Variants in CNTNAP2 observed in about 807,000 individuals in gnomAD.
The protein encoded by CNTNAP2 is contactin associated protein 2.
In CNTNAP2, 98 loss-of-function variants were observed where a neutral mutation model predicts 155.2. The observed-to-expected ratio is 0.63, with a 90% confidence interval of 0.54 to 0.75. The LOEUF is 0.75. Ranked by LOEUF, CNTNAP2 falls within the 30% of genes least tolerant of loss-of-function variation. The pLI is 0.00. For synonymous variants in CNTNAP2, 651 were observed against 631.2 expected (o/e 1.03, Z -0.47); for missense variants, 1,727 against 1,688.1 (o/e 1.02, Z -0.40).
intron 10 of CNTNAP2, among the ~76,000 whole-genome samples, chr7:147,422,691 C>T (rs937164169): frequency 6.6e-6 from 1 of 152,110 alleles, no homozygotes; most frequent in African/African-American, 2.4e-5. Flanking sequence ...CTTAATCGTA[C>T]TTTAGTATGG....
intron 15 of CNTNAP2, among the ~76,000 whole-genome samples, chr7:148,106,643 G>A (rs935931386): frequency 6.6e-6 from 1 of 151,818 alleles, no homozygotes; most frequent in African/African-American, 2.4e-5. Context: ...TTATAGACCT[G>A]AGCCACTATG....
intron 4 of CNTNAP2, among the ~76,000 whole-genome samples, chr7:147,091,280 T>G (rs1800397296): frequency 6.6e-6 from 1 of 152,046 alleles, no homozygotes; most frequent in Admixed American, 6.5e-5. Flanking sequence ...GATGGGATGG[T>G]CATGATGCTA....
Position 146,127,514 on chromosome 7 carries a change from G to A in CNTNAP2, c.97+10541G>A, listed in dbSNP as rs1797653918. Among the ~76,000 whole-genome samples, 9 of 152,154 alleles carry A rather than the reference G, an allele frequency of 5.9e-5. No homozygotes were observed. In the South Asian group the frequency reaches 1.9e-3, roughly 31 times the overall value. On this transcript the variant is annotated intron_variant, in intron 1 of 23. Coordinates refer to ENST00000361727, the MANE Select transcript of CNTNAP2 (RefSeq NM_014141.6). ...CACAAATATTTTCCTCATTTTATAA[G>A]TAAATGTGTATCTATCATAAGGGAA...
chr7:146,238,755 C>T (rs531975910), intron 1 of CNTNAP2, among the ~76,000 whole-genome samples: 2 of 152,140 alleles, frequency 1.3e-5, no homozygotes, highest in Admixed American at 6.5e-5. Flanking sequence ...TTGAGCATGG[C>T]TGGGGAGGCC....
At chr7:147,871,746 C>T (rs1320022233) in intron 13 of CNTNAP2, among the ~76,000 whole-genome samples, 5 of 151,474 alleles carry the variant, frequency 3.3e-5, no homozygotes, top group Non-Finnish European at 5.9e-5. Context: ...AGCACACATG[C>T]TATCCACTCT....
intron 14 of CNTNAP2, among the ~76,000 whole-genome samples, chr7:147,963,746 C>T (rs1801153847): frequency 6.6e-6 from 1 of 152,070 alleles, no homozygotes; most frequent in African/African-American, 2.4e-5. Flanking sequence ...ATGCTGTTTC[C>T]TTCTCGAGCT....
At chr7:147,336,188 T>A (rs1347784550) in intron 9 of CNTNAP2, among the ~76,000 whole-genome samples, 1 of 152,188 alleles carries the variant, frequency 6.6e-6, no homozygotes, top group East Asian at 1.9e-4. Flanking sequence ...ACTAGGTGAT[T>A]TTAATAGTAT....
chr7:146,844,447 C>T (rs1430395229), intron 3 of CNTNAP2, among the ~76,000 whole-genome samples: 1 of 152,034 alleles, frequency 6.6e-6, no homozygotes, highest in East Asian at 1.9e-4. Flanking sequence ...CTACATACTC[C>T]ACCAACTCTA....
Position 147,772,502 on chromosome 7 carries a change from C to A in CNTNAP2, c.2099-131063C>A, listed in dbSNP as rs1053606383. Among the ~76,000 whole-genome samples, 343 of 68,286 alleles carry A rather than the reference C, an allele frequency of 5.0e-3. 10 individuals are homozygous for A. The highest frequency in any genetic ancestry group is 0.017 in the African/African-American group (296 of 17,206). 44.8% of individuals were successfully genotyped at this position (68,286 alleles called of 152,430 possible). On this transcript the variant is annotated intron_variant, in intron 13 of 23. Coordinates refer to ENST00000361727, the MANE Select transcript of CNTNAP2 (RefSeq NM_014141.6). ...TATATATACACACACAAAAAAAAAA[C>A]CACAAAAGAGGTGATTTTTTTCCTT...
chr7:147,255,719 G>C (rs1383546921), intron 8 of CNTNAP2, among the ~76,000 whole-genome samples: 2 of 151,984 alleles, frequency 1.3e-5, no homozygotes, highest in African/African-American at 4.8e-5. Context: ...AGAGGTCTCT[G>C]TACATATTTT....
intron 13 of CNTNAP2, among the ~76,000 whole-genome samples, chr7:147,860,244 C>G (rs571910915): frequency 7.4e-4 from 112 of 152,064 alleles, no homozygotes; most frequent in Non-Finnish European, 9.1e-4. Context: ...GAACAACATG[C>G]TGAAACCCCA....
At chr7:146,313,967 C>A (rs1800867760) in intron 1 of CNTNAP2, among the ~76,000 whole-genome samples, 2 of 151,876 alleles carry the variant, frequency 1.3e-5, no homozygotes, top group African/African-American at 4.8e-5. Context: ...CCACTGCACT[C>A]CGGTCTGTAT....
chr7:146,497,843 T>C (rs1797241968), intron 1 of CNTNAP2, among the ~76,000 whole-genome samples: 1 of 148,500 alleles, frequency 6.7e-6, no homozygotes, highest in African/African-American at 2.4e-5. Flanking sequence ...ATAATATATT[T>C]AAGTAATCAT....
At chr7:147,086,667 G>A (rs1800285846) in intron 4 of CNTNAP2, among the ~76,000 whole-genome samples, 1 of 152,020 alleles carries the variant, frequency 6.6e-6, no homozygotes, top group African/African-American at 2.4e-5. Flanking sequence ...CAAACTCCTG[G>A]GCTCCAGCGA....
At chr7:148,182,747 G>C (rs1196555433) in intron 18 of CNTNAP2, among the ~76,000 whole-genome samples, 2 of 152,186 alleles carry the variant, frequency 1.3e-5, no homozygotes, top group Non-Finnish European at 2.9e-5. Context: ...TGAAGAGCCA[G>C]CTGCTCTCTC....
Position 146,376,553 on chromosome 7 carries a change from T to A in CNTNAP2, c.97+259580T>A, listed in dbSNP as rs141135717. The stretch of plus-strand genomic sequence containing the variant: ...TGTAAGAGTTTTCTATATTGGCTAT[T>A]TTTATTTTCTGTTATTTCATCTGCA... On this transcript the variant is annotated intron_variant, in intron 1 of 23. Coordinates refer to ENST00000361727, the MANE Select transcript of CNTNAP2 (RefSeq NM_014141.6). Among the ~76,000 whole-genome samples the A allele has an allele frequency of 3.4e-3, 520 of 152,340 alleles. 2 individuals carry two copies. The highest frequency in any genetic ancestry group is 5.6e-3 in the Non-Finnish European group (382 of 68,024).
At chr7:146,965,035 A>G (rs1160828957) in intron 3 of CNTNAP2, among the ~76,000 whole-genome samples, 2 of 152,254 alleles carry the variant, frequency 1.3e-5, no homozygotes, top group African/African-American at 4.8e-5. Flanking sequence ...TAAATCAAAG[A>G]AGCTTATGCA....
intron 21 of CNTNAP2, among the ~76,000 whole-genome samples, chr7:148,276,390 C>T (rs938472358): frequency 3.9e-5 from 6 of 152,316 alleles, no homozygotes; most frequent in South Asian, 2.1e-4. Context: ...GAAGACAGTG[C>T]GAGACATGCC....
rs201187461 is a variant in CNTNAP2 at position 148,147,571 on chromosome 7, G to A, written c.2635G>A (p.Asp879Asn). The A allele has an allele frequency of 5.0e-6, 8 of 1,614,086 alleles. No homozygotes were observed. The highest frequency in any genetic ancestry group is 1.3e-5 in the African/African-American group (1 of 75,012). The change falls in exon 17 of 24, where the codon GAT (aspartate) becomes AAT (asparagine). Residue 879 changes from aspartate to asparagine, a missense_variant. By Grantham distance (23) the Asp-to-Asn change is conservative. Transcript: ENST00000361727. Reference sequence around the variant, plus strand: ...AGTGAGGTCACCAACCCCTCTCAACGATGACCAGTGGCACCGGGTCACTGC... The same window carrying A: ...AGTGAGGTCACCAACCCCTCTCAACAATGACCAGTGGCACCGGGTCACTGC... ...IVVRSPTPLN[D>N]DQWHRVTAER... is the part of the protein sequence containing the mutation.
Sources: allele counts gnomAD v4.1 joint callset (sites outside exome capture counted in the v4.1 genomes callset), GRCh38; gene constraint gnomAD v4.1.1; transcripts MANE v1.5; gene names NCBI Gene and HGNC (gene_info 2026-07-23, HGNC 2026-07-21).